The following MGAT4C variants were observed in gnomAD, a reference collection of about 807,000 sequenced individuals.
The protein encoded by MGAT4C is MGAT4 family member C.
MGAT4C carries 19 observed loss-of-function variants against 40.1 expected under a neutral mutation model. That is an observed-to-expected ratio of 0.47 (90% CI 0.33 to 0.70). The LOEUF is 0.70. Among genes scored for constraint, MGAT4C ranks in the 30% least tolerant of loss-of-function variants. The pLI, the probability that MGAT4C is intolerant of heterozygous loss-of-function variation, is 0.02. For synonymous variants in MGAT4C, 181 were observed against 187.1 expected (o/e 0.97, Z 0.27); for missense variants, 491 against 563.2 (o/e 0.87, Z 1.30).
chr12:86,635,915 CA>C (rs1963206149), intron 2 of MGAT4C, among the ~76,000 whole-genome samples: 1 of 151,680 alleles, frequency 6.6e-6, no homozygotes, highest in Non-Finnish European at 1.5e-5. Flanking sequence ...CTCCTGGGCT[CA>C]AGAGATCTTC....
intron 2 of MGAT4C, among the ~76,000 whole-genome samples, chr12:86,625,151 T>C (rs901307896): frequency 3.3e-5 from 5 of 152,080 alleles, no homozygotes; most frequent in Non-Finnish European, 5.9e-5. Flanking sequence ...TTAAAGGGGC[T>C]CTTCCCTCTT....
At chr12:86,446,675 A>ATG (rs1375843160) in intron 2 of MGAT4C, among the ~76,000 whole-genome samples, 23 of 112,784 alleles carry the variant, frequency 2.0e-4, no homozygotes, top group Middle Eastern at 8.5e-3. Context: ...ATATATATAT[A>ATG]TATATATATA....
intron 1 of MGAT4C, among the ~76,000 whole-genome samples, chr12:86,071,994 C>G (rs946616535): frequency 2.0e-5 from 3 of 151,204 alleles, no homozygotes; most frequent in African/African-American, 4.9e-5. Flanking sequence ...TGAAGATGTT[C>G]AGACTATAAG....
intron 2 of MGAT4C, among the ~76,000 whole-genome samples, chr12:86,620,859 T>G (rs889511708): frequency 1.3e-5 from 2 of 152,048 alleles, no homozygotes; most frequent in Admixed American, 1.3e-4. Flanking sequence ...CTCCCCTTTC[T>G]CTCTCTCTTC....
chr12:86,361,487 G>A (rs932457531), intron 3 of MGAT4C, among the ~76,000 whole-genome samples: 1 of 152,128 alleles, frequency 6.6e-6, no homozygotes, highest in Non-Finnish European at 1.5e-5. Context: ...TTGACAAATG[G>A]GATCTAATTA....
chr12:86,007,932 T>C (rs1211998360), intron 2 of MGAT4C, among the ~76,000 whole-genome samples: 1 of 152,058 alleles, frequency 6.6e-6, no homozygotes. Flanking sequence ...TTCTATCCCA[T>C]TTATTCAGTT....
At chr12:86,145,798 A>G (rs1025673617) in intron 1 of MGAT4C, among the ~76,000 whole-genome samples, 1 of 152,166 alleles carries the variant, frequency 6.6e-6, no homozygotes, top group Non-Finnish European at 1.5e-5. Context: ...GAACAGAAAG[A>G]TTTTGCTCAG....
rs1242723038 is a variant in MGAT4C at position 86,250,338 on chromosome 12, A to ACT, written c.-57+5900_-57+5901insAG. Among the ~76,000 whole-genome samples, 102 of 8,178 alleles carry ACT rather than the reference A, an allele frequency of 0.012. No individual in the cohort carries two copies. In the East Asian group the frequency reaches 0.31, roughly 25 times the overall value. The allele number at this position is 8,178 out of a possible 152,430, so 5.4% of individuals were successfully genotyped here. The stretch of plus-strand genomic sequence containing the variant: ...CCTACACACACACACACTGAGAGAG[A>ACT]GAGAGAGAGAGAGAGAGAGAGAGAG... On this transcript the variant is annotated intron_variant, in intron 1 of 4. Transcript: ENST00000611864.
intron 2 of MGAT4C, among the ~76,000 whole-genome samples, chr12:86,520,255 C>T (rs1452421597): frequency 2.0e-5 from 3 of 152,022 alleles, no homozygotes; most frequent in African/African-American, 7.2e-5. Context: ...CAGTGTGCTT[C>T]ATACTCTTCT....
chr12:86,814,538 CAATTACATTAATTCCAATTCTCTTAT>C (rs1422366402), intron 1 of MGAT4C, among the ~76,000 whole-genome samples: 3 of 151,584 alleles, frequency 2.0e-5, no homozygotes, highest in Non-Finnish European at 1.5e-5. Flanking sequence ...AATTCTCTTA[CAATTACATTAATTCCAATTCTCTTAT>C]AATTATATTA....
At position 86,571,466 on chromosome 12, in the gene MGAT4C, A is replaced by C. The variant is rs1960361062; in HGVS notation, c.-228-136201T>G. Among the ~76,000 whole-genome samples the C allele has an allele frequency of 1.3e-5, 2 of 152,170 alleles. 1 individual carries two copies. Among genetic ancestry groups the C allele is most frequent in the South Asian group, 4.1e-4 (2 of 4,832 alleles). ...CATACACTAAAATATGCATTAAAGA[A>C]AACCTTGTATAGGTGGCAAAACTGA... On this transcript the variant is annotated intron_variant, in intron 2 of 7. Coordinates refer to the MGAT4C transcript ENST00000548651.
chr12:86,085,423 G>A (rs1871616101), intron 1 of MGAT4C, among the ~76,000 whole-genome samples: 1 of 152,056 alleles, frequency 6.6e-6, no homozygotes, highest in South Asian at 2.1e-4. Flanking sequence ...TCTGCATATG[G>A]CAAGCCAGTT....
At chr12:86,431,951 C>T (rs1326285539) in intron 3 of MGAT4C, among the ~76,000 whole-genome samples, 2 of 151,422 alleles carry the variant, frequency 1.3e-5, no homozygotes, top group South Asian at 2.1e-4. Flanking sequence ...GAGGAAAGAG[C>T]GAGACAGAGA....
intron 1 of MGAT4C, among the ~76,000 whole-genome samples, chr12:86,766,085 G>C (rs1951502214): frequency 6.6e-6 from 1 of 152,112 alleles, no homozygotes; most frequent in South Asian, 2.1e-4. Context: ...ATTGGATAAA[G>C]AGTCAAAACC....
intron 1 of MGAT4C, among the ~76,000 whole-genome samples, chr12:86,081,464 T>C (rs1870823209): frequency 6.6e-6 from 1 of 152,122 alleles, no homozygotes; most frequent in Non-Finnish European, 1.5e-5. Context: ...TTGATAGTTT[T>C]TGTTGTTGTT....
chr12:86,747,601 A>G (rs969786738), intron 1 of MGAT4C, among the ~76,000 whole-genome samples: 2 of 151,596 alleles, frequency 1.3e-5, no homozygotes, highest in Admixed American at 6.6e-5. Flanking sequence ...TAGGGCAATG[A>G]TCTTTTTCTT....
At chr12:86,020,783 A>T (rs1012224190) in intron 2 of MGAT4C, among the ~76,000 whole-genome samples, 1 of 152,190 alleles carries the variant, frequency 6.6e-6, no homozygotes, top group African/African-American at 2.4e-5. Flanking sequence ...AGAAACTACC[A>T]TCAGAGTGAA....
chr12:86,090,205 T>C (rs1320272168), intron 1 of MGAT4C, among the ~76,000 whole-genome samples: 1 of 151,708 alleles, frequency 6.6e-6, no homozygotes, highest in Non-Finnish European at 1.5e-5. Context: ...TCAAATATTA[T>C]GTTAAAAGAG....
intron 1 of MGAT4C, among the ~76,000 whole-genome samples, chr12:86,774,819 T>C (rs1023067460): frequency 1.3e-5 from 2 of 152,086 alleles, no homozygotes; most frequent in East Asian, 1.9e-4. Context: ...AATTTAATGA[T>C]TGAAAATAGA....
Sources: allele counts gnomAD v4.1 joint callset (sites outside exome capture counted in the v4.1 genomes callset), GRCh38; gene constraint gnomAD v4.1.1; transcripts MANE v1.5; gene names NCBI Gene and HGNC (gene_info 2026-07-23, HGNC 2026-07-21).